Variants in HPCAL1 observed in about 807,000 individuals in gnomAD.
HPCAL1 encodes the protein hippocalcin like 1.
In HPCAL1, 8 loss-of-function variants were observed where a neutral mutation model predicts 17.1. The observed-to-expected ratio is 0.47, with a 90% CI of 0.27 to 0.84. The LOEUF is 0.84. HPCAL1 is among the 40% of genes least tolerant of loss of function. HPCAL1 has a pLI of 0.13. For synonymous variants in HPCAL1, 112 were observed against 111.4 expected, an observed-to-expected ratio of 1.01 and a Z score of -0.03; for missense variants, 165 against 271.1, an observed-to-expected ratio of 0.61 and a Z score of 2.75.
At chr2:10,341,666 G>T (rs1343440779) in intron 1 of HPCAL1, among the ~76,000 whole-genome samples, 1 of 152,046 alleles carries the variant, frequency 6.6e-6, no homozygotes, top group Admixed American at 6.6e-5. Flanking sequence ...AGTGGGGAGG[G>T]ATTCCCTCCT....
At chr2:10,337,635 T>G (rs970295203) in intron 1 of HPCAL1, among the ~76,000 whole-genome samples, 2 of 152,188 alleles carry the variant, frequency 1.3e-5, no homozygotes, top group African/African-American at 4.8e-5. Context: ...AGAAATGTGC[T>G]CTGGGCTGCA....
At chr2:10,400,802 G>A (rs534631472) in intron 2 of HPCAL1, among the ~76,000 whole-genome samples, 2 of 152,154 alleles carry the variant, frequency 1.3e-5, no homozygotes, top group Non-Finnish European at 1.5e-5. Context: ...CACACATTGT[G>A]GGCAGGCACA....
chr2:10,396,119 C>T (rs1669009876), intron 1 of HPCAL1, among the ~76,000 whole-genome samples: 1 of 152,188 alleles, frequency 6.6e-6, no homozygotes, highest in African/African-American at 2.4e-5. Context: ...TAGACACCCG[C>T]AATGCAAATT....
chr2:10,389,151 G>A (rs969294522), intron 1 of HPCAL1, among the ~76,000 whole-genome samples: 3 of 152,174 alleles, frequency 2.0e-5, no homozygotes, highest in East Asian at 3.8e-4. Flanking sequence ...GGTAATACCC[G>A]GAAGTTACGG....
At chr2:10,382,247 T>C (rs1667998220) in intron 1 of HPCAL1, among the ~76,000 whole-genome samples, 1 of 152,102 alleles carries the variant, frequency 6.6e-6, no homozygotes, top group Admixed American at 6.6e-5. Flanking sequence ...GCGATGGAGA[T>C]AATAAACAGA....
intron 1 of HPCAL1, among the ~76,000 whole-genome samples, chr2:10,366,248 T>A (rs887499485): frequency 5.3e-5 from 8 of 152,128 alleles, no homozygotes; most frequent in Admixed American, 2.0e-4. Flanking sequence ...TATTATTAAT[T>A]TTTTTTGAGA....
intron 1 of HPCAL1, among the ~76,000 whole-genome samples, chr2:10,308,450 C>T (rs1264856314): frequency 2.6e-5 from 4 of 152,202 alleles, no homozygotes; most frequent in Non-Finnish European, 5.9e-5. Context: ...CAGTCCCCCA[C>T]AGATTTGCTT....
intron 2 of HPCAL1, among the ~76,000 whole-genome samples, chr2:10,397,657 C>G (rs1669142960): frequency 6.6e-6 from 1 of 152,218 alleles, no homozygotes; most frequent in Admixed American, 6.5e-5. Flanking sequence ...CATCCGGAAT[C>G]CTTCCTGGCC....
At chr2:10,345,380 C>T (rs1278753672) in intron 1 of HPCAL1, among the ~76,000 whole-genome samples, 2 of 152,182 alleles carry the variant, frequency 1.3e-5, no homozygotes, top group Non-Finnish European at 2.9e-5. Flanking sequence ...AAAATGGAAG[C>T]ACTACTTCAC....
At chr2:10,346,985 G>T (rs949679902) in intron 1 of HPCAL1, among the ~76,000 whole-genome samples, 4 of 117,330 alleles carry the variant, frequency 3.4e-5, no homozygotes, top group African/African-American at 1.4e-4. Flanking sequence ...GTTTCTAAGG[G>T]ATTTATATTT....
At chr2:10,422,876 C>A in intron 3 of HPCAL1, 107 bp from the exon 4 acceptor site, 1 of 726,654 alleles carries the variant, frequency 1.4e-6, no homozygotes, top group Non-Finnish European at 2.4e-6. Context: ...CCACCGGGAG[C>A]CCCTGACCTC....
At chr2:10,348,006 A>G (rs1665579582) in intron 1 of HPCAL1, among the ~76,000 whole-genome samples, 1 of 152,190 alleles carries the variant, frequency 6.6e-6, no homozygotes, top group Non-Finnish European at 1.5e-5. Flanking sequence ...GCTTTAACAC[A>G]GTGATTAGAT....
At chr2:10,306,728 G>A (rs1662651474) in intron 1 of HPCAL1, among the ~76,000 whole-genome samples, 1 of 152,206 alleles carries the variant, frequency 6.6e-6, no homozygotes, top group Admixed American at 6.5e-5. Context: ...TTTCTTAGAT[G>A]CTGATGAGCA....
chr2:10,386,993 AGG>A (rs1668357597), intron 1 of HPCAL1, among the ~76,000 whole-genome samples: 1 of 152,170 alleles, frequency 6.6e-6, no homozygotes. Flanking sequence ...CGGGGCTTGC[AGG>A]CCAGGTGGGC....
At chr2:10,349,983 C>A (rs988926307) in intron 1 of HPCAL1, among the ~76,000 whole-genome samples, 18 of 152,182 alleles carry the variant, frequency 1.2e-4, no homozygotes, top group African/African-American at 4.3e-4. Flanking sequence ...TTTCATATAC[C>A]ACTGATATTA....
intron 1 of HPCAL1, among the ~76,000 whole-genome samples, chr2:10,348,600 CAAA>C (rs56194796): frequency 2.1e-5 from 3 of 144,396 alleles, no homozygotes; most frequent in African/African-American, 7.7e-5. Context: ...CCTGTCTCTA[CAAA>C]AAAAAAAAAA....
chr2:10,358,992 G>C (rs1666358379), intron 1 of HPCAL1, among the ~76,000 whole-genome samples: 1 of 150,430 alleles, frequency 6.6e-6, no homozygotes, highest in South Asian at 2.1e-4. Context: ...ACTACCATGG[G>C]GTTGGAGCCC....
rs73914068 is a variant in HPCAL1, at chr2:10,377,701, C to T, written c.-110-19134C>T. 0.01 allele frequency among the ~76,000 whole-genome samples: 1,523 copies of T among 152,168 alleles called. 38 individuals carry two copies. The highest frequency in any genetic ancestry group is 0.035 in the African/African-American group (1,444 of 41,468). On this transcript the variant is annotated intron_variant, in intron 1 of 4. Coordinates refer to ENST00000307845, the MANE Select transcript of HPCAL1 (RefSeq NM_002149.4). This position sits in a 1 kb window ranked among gnomAD's most constrained non-coding sequence, Gnocchi z 5.9. ...ATGCACTCTGAGGGCAGACCCTGGCCGGGCACCAAGATACAAAAGGTTATG... is the reference window on the plus strand; with the variant it reads ...ATGCACTCTGAGGGCAGACCCTGGCTGGGCACCAAGATACAAAAGGTTATG...
chr2:10,371,254 A>G (rs1667188109), intron 1 of HPCAL1, among the ~76,000 whole-genome samples: 1 of 152,096 alleles, frequency 6.6e-6, no homozygotes, highest in East Asian at 1.9e-4. Context: ...GGGACTATAC[A>G]TTGTCTCCTT....
Sources: gnomAD v4.1 joint callset for allele counts (sites outside exome capture counted in the v4.1 genomes callset) on GRCh38, gnomAD v4.1.1 for gene constraint, Gnocchi (gnomAD v3.1) non-coding constraint, MANE v1.5 for transcripts, NCBI Gene and HGNC (gene_info 2026-07-23, HGNC 2026-07-21) for gene names.